DNAH9: variants seen among roughly 807,000 people sequenced by gnomAD.
DNAH9 encodes the protein DNAH9 variant protein.
DNAH9 carries 345 observed loss-of-function variants against 471.6 expected under a neutral mutation model. That is an observed-to-expected ratio of 0.73 (90% CI 0.67 to 0.80). DNAH9 has a LOEUF of 0.80. Among genes scored for constraint, DNAH9 ranks in the 30% least tolerant of loss-of-function variants. DNAH9 has a pLI of 0.00. For synonymous variants in DNAH9, 2,093 were observed against 2,123.6 expected (o/e 0.99, Z 0.40); for missense variants, 5,407 against 5,609.2 (o/e 0.96, Z 1.15).
intron 49 of DNAH9, among the ~76,000 whole-genome samples, chr17:11,846,054 G>A (rs1971212792): frequency 6.6e-6 from 1 of 151,752 alleles, no homozygotes; most frequent in African/African-American, 2.4e-5. Context: ...TGCTTTTGGT[G>A]TTCTAGACAT....
chr17:11,844,437 A>C (rs1442129330), intron 49 of DNAH9, among the ~76,000 whole-genome samples: 1 of 151,990 alleles, frequency 6.6e-6, no homozygotes, highest in Non-Finnish European at 1.5e-5. Context: ...ACAGAGTCTC[A>C]CTCTGTCACC....
intron 38 of DNAH9, among the ~76,000 whole-genome samples, chr17:11,775,674 G>A (rs1364695928): frequency 2.2e-5 from 3 of 138,530 alleles, no homozygotes; most frequent in South Asian, 2.3e-4. Flanking sequence ...GCGCGATCTC[G>A]GCTCACTGCA....
chr17:11,843,509 G>A (rs1051360773), intron 49 of DNAH9, among the ~76,000 whole-genome samples: 1 of 151,708 alleles, frequency 6.6e-6, no homozygotes, highest in African/African-American at 2.4e-5. Context: ...AATTTTGTAA[G>A]GACACTATTT....
intron 28 of DNAH9, among the ~76,000 whole-genome samples, chr17:11,734,817 C>T (rs1276086255): frequency 6.6e-6 from 1 of 152,236 alleles, no homozygotes; most frequent in East Asian, 1.9e-4. Context: ...CCGAAGTTAT[C>T]TACATCTTTG....
rs767926831 is a variant in DNAH9 at position 11,887,981 on chromosome 17, G to GTT, written c.11112+1021_11112+1022dup. ...TGAACTGTGTTTATAATATTTTATG[G>GTT]TTTTTTGTTTTTTTTTTTTGAGAGG... On this transcript the variant is annotated intron_variant, in intron 57 of 68. Coordinates refer to ENST00000262442, the MANE Select transcript of DNAH9 (RefSeq NM_001372.4). 5.5e-5 allele frequency among the ~76,000 whole-genome samples: 8 copies of GTT among 145,532 alleles called. No homozygotes were observed. The East Asian group carries it at 1.5e-3, about 28-fold the overall frequency.
chr17:11,676,546 G>A (rs1202919478), intron 17 of DNAH9, among the ~76,000 whole-genome samples: 3 of 151,890 alleles, frequency 2.0e-5, no homozygotes, highest in Non-Finnish European at 4.4e-5. Flanking sequence ...GCCTCCCAAA[G>A]TGCTGGGATT....
intron 35 of DNAH9, among the ~76,000 whole-genome samples, chr17:11,761,869 T>A (rs1967683738): frequency 6.6e-6 from 1 of 152,180 alleles, no homozygotes; most frequent in South Asian, 2.1e-4. Context: ...TTCCAGCCTT[T>A]CCACTTTGTC....
intron 28 of DNAH9, among the ~76,000 whole-genome samples, chr17:11,729,671 G>T (rs1048549439): frequency 6.6e-6 from 1 of 152,150 alleles, no homozygotes; most frequent in South Asian, 2.1e-4. Context: ...TGGCAGAAGG[G>T]GGGTGGGAGG....
At chr17:11,904,551 C>G (rs1973520035) in intron 60 of DNAH9, among the ~76,000 whole-genome samples, 1 of 148,262 alleles carries the variant, frequency 6.7e-6, no homozygotes, top group Middle Eastern at 3.6e-3. Context: ...ACCACTTGAA[C>G]CTGGTGGAGG....
intron 17 of DNAH9, among the ~76,000 whole-genome samples, chr17:11,672,007 TAGA>T (rs2073980351): frequency 6.6e-6 from 1 of 152,234 alleles, no homozygotes; most frequent in African/African-American, 2.4e-5. Context: ...TGTTACACTT[TAGA>T]AGAAGATTTT....
intron 67 of DNAH9, among the ~76,000 whole-genome samples, chr17:11,961,645 G>A (rs1439748170): frequency 2.0e-5 from 3 of 152,134 alleles, no homozygotes; most frequent in African/African-American, 7.2e-5. Flanking sequence ...GAGCAGGGAG[G>A]GTTTTCAAGG....
chr17:11,814,697 C>A (rs1012751623), intron 45 of DNAH9, among the ~76,000 whole-genome samples: 1 of 152,134 alleles, frequency 6.6e-6, no homozygotes, highest in African/African-American at 2.4e-5. Context: ...CCAAACTGTT[C>A]TTTTTATATA....
At chr17:11,921,329 C>T (rs899026443) in intron 61 of DNAH9, among the ~76,000 whole-genome samples, 2 of 151,694 alleles carry the variant, frequency 1.3e-5, no homozygotes, top group African/African-American at 2.4e-5. Context: ...CCCCTTCCAA[C>T]GCCAATGCCA....
Position 11,854,129 on chromosome 17 carries a change from A to G in DNAH9, c.9634A>G (p.Lys3212Glu), listed in dbSNP as rs1299004699. ...VPKDRSWKAA[K>E]VTMAKVDGFL... ...CAAGGACCGGAGCTGGAAGGCTGCT[A>G]AGGTCACCATGGCCAAAGTGGATGG... The change falls in exon 50 of 69, where the codon AAG (lysine) becomes GAG (glutamate). Residue 3212 changes from lysine (K) to glutamate (E), a missense_variant. By Grantham distance (56) the Lys-to-Glu change is moderately conservative. Coordinates refer to ENST00000262442, the MANE Select transcript of DNAH9 (RefSeq NM_001372.4). The G allele has an allele frequency of 1.2e-6, 2 of 1,614,012 alleles. No individual in the cohort carries two copies. The highest frequency in any genetic ancestry group is 1.7e-6 in the Non-Finnish European group (2 of 1,180,018).
At chr17:11,775,808 G>T (rs575863246) in intron 38 of DNAH9, among the ~76,000 whole-genome samples, 1 of 151,962 alleles carries the variant, frequency 6.6e-6, no homozygotes, top group South Asian at 2.1e-4. Context: ...ATTTCACCGT[G>T]GTCTCAATCT....
At chr17:11,788,869 T>C (rs1257562152) in intron 41 of DNAH9, among the ~76,000 whole-genome samples, 1 of 152,160 alleles carries the variant, frequency 6.6e-6, no homozygotes, top group Non-Finnish European at 1.5e-5. Flanking sequence ...TATTCTCTAC[T>C]GGTTTTTCTG....
intron 53 of DNAH9, among the ~76,000 whole-genome samples, chr17:11,877,864 A>G (rs2150991969): frequency 6.6e-6 from 1 of 152,120 alleles, no homozygotes; most frequent in East Asian, 1.9e-4. Context: ...CCTTCCGAGT[A>G]GCTGGGATCA....
At chr17:11,829,275 G>A (rs1045681278) in intron 48 of DNAH9, among the ~76,000 whole-genome samples, 6 of 152,112 alleles carry the variant, frequency 3.9e-5, no homozygotes, top group African/African-American at 7.2e-5. Flanking sequence ...GTATCCTACC[G>A]CTTGATTATG....
At chr17:11,852,878 AAAAG>A (rs1250950403) in intron 49 of DNAH9, among the ~76,000 whole-genome samples, 26 of 142,598 alleles carry the variant, frequency 1.8e-4, no homozygotes, top group African/African-American at 3.6e-4. Flanking sequence ...GTGTATATAT[AAAAG>A]AAAGTAGGAT....
Sources: gnomAD v4.1 joint callset for allele counts (sites outside exome capture counted in the v4.1 genomes callset) on GRCh38, gnomAD v4.1.1 for gene constraint, MANE v1.5 for transcripts, NCBI Gene and HGNC (gene_info 2026-07-23, HGNC 2026-07-21) for gene names.